Variants in GALNT13 observed in about 807,000 individuals in gnomAD.
The protein encoded by GALNT13 is polypeptide N-acetylgalactosaminyltransferase 13.
A neutral mutation model predicts 64.2 loss-of-function variants in GALNT13; 28 were observed. The observed-to-expected ratio is 0.44, with a 90% CI of 0.32 to 0.60. GALNT13 has a LOEUF of 0.60. Ranked by LOEUF, GALNT13 falls within the 20% of genes least tolerant of loss-of-function variation. GALNT13 has a pLI of 0.05. For synonymous variants in GALNT13, 214 were observed against 224.6 expected, an observed-to-expected ratio of 0.95 and a Z score of 0.42; for missense variants, 577 against 669.8, an observed-to-expected ratio of 0.86 and a Z score of 1.53.
chr2:154,018,198 G>T (rs1208520908), intron 3 of GALNT13, among the ~76,000 whole-genome samples: 9 of 152,034 alleles, frequency 5.9e-5, no homozygotes, highest in Non-Finnish European at 1.5e-5. Flanking sequence ...TATATGAACG[G>T]AAACATTTTT....
At chr2:154,379,264 A>G (rs1698150095) in intron 9 of GALNT13, among the ~76,000 whole-genome samples, 1 of 152,126 alleles carries the variant, frequency 6.6e-6, no homozygotes, top group Admixed American at 6.6e-5. Context: ...TCTTAATAAA[A>G]TAAACTCACC....
chr2:154,151,225 T>C (rs1683996114), intron 4 of GALNT13, among the ~76,000 whole-genome samples: 2 of 152,290 alleles, frequency 1.3e-5, no homozygotes, highest in South Asian at 2.1e-4. Context: ...TCAGTTTCCA[T>C]GTAGTTGAGC....
chr2:153,129,665 CAG>C, the GALNT13 span, among the ~76,000 whole-genome samples: 1 of 151,962 alleles, frequency 6.6e-6, no homozygotes, highest in South Asian at 2.1e-4. Context: ...CCCAGCTACT[CAG>C]GGGGCTGAGG....
the GALNT13 span, among the ~76,000 whole-genome samples, chr2:153,351,897 T>C: frequency 0.17 from 25,191 of 152,152 alleles, 2,213 homozygotes; most frequent in South Asian, 0.25. Context: ...TTTGGGCAAT[T>C]ATAAATAAAG....
At chr2:153,287,073 G>T in the GALNT13 span, among the ~76,000 whole-genome samples, 1 of 152,164 alleles carries the variant, frequency 6.6e-6, no homozygotes, top group Non-Finnish European at 1.5e-5. Context: ...ATGGTAGTTC[G>T]CAGAAAAAGA....
intron 3 of GALNT13, among the ~76,000 whole-genome samples, chr2:154,022,009 T>G (rs983123362): frequency 9.9e-5 from 15 of 152,234 alleles, no homozygotes; most frequent in African/African-American, 3.6e-4. Context: ...TTACATTTAT[T>G]GATTTGCGTA....
chr2:153,482,131 C>T, the GALNT13 span, among the ~76,000 whole-genome samples: 1 of 152,174 alleles, frequency 6.6e-6, no homozygotes, highest in African/African-American at 2.4e-5. Flanking sequence ...GATTATCCCT[C>T]CCCAAATTCT....
the GALNT13 span, among the ~76,000 whole-genome samples, chr2:153,564,827 T>C: frequency 6.6e-6 from 1 of 152,156 alleles, no homozygotes; most frequent in African/African-American, 2.4e-5. Context: ...AATGGAATGT[T>C]GTTCCATTGC....
chr2:154,080,385 A>G (rs1487184895), intron 3 of GALNT13, among the ~76,000 whole-genome samples: 2 of 151,646 alleles, frequency 1.3e-5, no homozygotes, highest in Non-Finnish European at 3.0e-5. Flanking sequence ...TATTTTCTTT[A>G]ACATTTAATG....
chr2:154,362,957 T>A (rs1449808135), intron 9 of GALNT13, among the ~76,000 whole-genome samples: 1 of 152,106 alleles, frequency 6.6e-6, no homozygotes, highest in African/African-American at 2.4e-5. Flanking sequence ...TGTCAGTTTA[T>A]TTTTGAGTTA....
At chr2:153,886,053 C>T (rs1395023139) in intron 1 of GALNT13, among the ~76,000 whole-genome samples, 1 of 151,606 alleles carries the variant, frequency 6.6e-6, no homozygotes, top group Non-Finnish European at 1.5e-5. Flanking sequence ...TCCAAGGTTC[C>T]CCCCATAGTG....
At chr2:154,264,541 G>A (rs1439604942) in intron 8 of GALNT13, among the ~76,000 whole-genome samples, 1 of 151,756 alleles carries the variant, frequency 6.6e-6, no homozygotes, top group African/African-American at 2.4e-5. Context: ...AGAGGCTGAG[G>A]TAGAAGAATC....
the GALNT13 span, among the ~76,000 whole-genome samples, chr2:153,744,252 A>G: frequency 2.6e-5 from 4 of 152,136 alleles, no homozygotes; most frequent in African/African-American, 9.7e-5. Context: ...AGAAACCTCC[A>G]AACTGCTCTC....
chr2:153,125,295 A>G, the GALNT13 span, among the ~76,000 whole-genome samples: 2 of 152,206 alleles, frequency 1.3e-5, no homozygotes, highest in East Asian at 3.9e-4. Flanking sequence ...GATGCTGATG[A>G]AAGTGTTGCT....
At chr2:153,699,691 A>G in the GALNT13 span, among the ~76,000 whole-genome samples, 2 of 152,108 alleles carry the variant, frequency 1.3e-5, no homozygotes, top group East Asian at 3.9e-4. Flanking sequence ...ATACAAACTA[A>G]CATCAGAGAA....
chr2:153,849,140 C>G, the GALNT13 span, among the ~76,000 whole-genome samples: 1 of 152,006 alleles, frequency 6.6e-6, no homozygotes, highest in South Asian at 2.1e-4. Context: ...TTTTAATACT[C>G]AACAATGTAA....
At chr2:154,033,855 C>T (rs538278979) in intron 3 of GALNT13, among the ~76,000 whole-genome samples, 5 of 152,268 alleles carry the variant, frequency 3.3e-5, no homozygotes, top group Admixed American at 1.3e-4. Flanking sequence ...AAGAGAATCT[C>T]TTGAACCCGG....
At chr2:154,074,563 C>T (rs1222439725) in intron 3 of GALNT13, among the ~76,000 whole-genome samples, 1 of 151,828 alleles carries the variant, frequency 6.6e-6, no homozygotes, top group Admixed American at 6.6e-5. Flanking sequence ...AGATAAGGGA[C>T]ACCTCCCTGA....
At chr2:153,666,896 C>T in the GALNT13 span, among the ~76,000 whole-genome samples, 3 of 152,018 alleles carry the variant, frequency 2.0e-5, no homozygotes, top group East Asian at 1.9e-4. Context: ...AAAGTTGAAA[C>T]TCAACACAAG....
Sources: gnomAD v4.1 joint callset for allele counts (sites outside exome capture counted in the v4.1 genomes callset) on GRCh38, gnomAD v4.1.1 for gene constraint, MANE v1.5 for transcripts, NCBI Gene and HGNC (gene_info 2026-07-23, HGNC 2026-07-21) for gene names.